NBAS: variants seen among roughly 807,000 people sequenced by gnomAD.
NBAS encodes NAG/BC035112 fusion.
A neutral mutation model predicts 302.5 loss-of-function variants in NBAS; 219 were observed. The ratio of observed to expected loss-of-function variants is 0.72; its 90% CI spans 0.65 to 0.81. The LOEUF (loss-of-function observed/expected upper bound fraction) is 0.81. Among genes scored for constraint, NBAS ranks in the 30% least tolerant of loss-of-function variants. The pLI, the probability that NBAS is intolerant of heterozygous loss-of-function variation, is 0.00. For synonymous variants in NBAS, 1,118 were observed against 1,021.6 expected (o/e 1.09, Z -1.80); for missense variants, 2,932 against 2,841.6 (o/e 1.03, Z -0.72).
intron 11 of NBAS, among the ~76,000 whole-genome samples, chr2:15,493,722 A>G (rs1680958553): frequency 6.6e-6 from 1 of 151,928 alleles, no homozygotes; most frequent in Non-Finnish European, 1.5e-5. Flanking sequence ...GATTCTTCAT[A>G]CTGTATTAAG....
chr2:15,516,033 T>A (rs2241237), intron 9 of NBAS, among the ~76,000 whole-genome samples: 96,921 of 152,010 alleles, frequency 0.64, 31,625 homozygotes, highest in Non-Finnish European at 0.68. Flanking sequence ...GGTCACACTG[T>A]TTAAAACGGA....
intron 40 of NBAS, among the ~76,000 whole-genome samples, chr2:15,303,239 AGTTAATG>A (rs1670886106): frequency 6.6e-6 from 1 of 152,210 alleles, no homozygotes; most frequent in Admixed American, 6.5e-5. Context: ...TAAGAACGAC[AGTTAATG>A]GGCAGAGATG....
At chr2:15,104,228 T>G in the NBAS span, among the ~76,000 whole-genome samples, 6 of 152,202 alleles carry the variant, frequency 3.9e-5, no homozygotes, top group Non-Finnish European at 7.3e-5. Flanking sequence ...CTCATTCACC[T>G]TCTGTCATGA....
Position 15,467,407 on chromosome 2 carries a change from C to T in NBAS, c.2019G>A (p.Lys673=). 6.2e-7 allele frequency: 1 copy of T among 1,611,838 alleles called. No individual in the cohort carries two copies. Among genetic ancestry groups the T allele is most frequent in the Non-Finnish European group, 8.5e-7 (1 of 1,178,150 alleles). ...AAAGTTCCTTTTGTTCCAGTGTCAA[C>T]CTGTTTTGAATAACTATGTTAGGCC... is the stretch of plus-strand genomic sequence containing the variant. The part of the protein sequence containing the change: ...QELLKLVNFS[K]LTLEQKELCR... The change falls in exon 19 of 52, where the codon AAG becomes AAA. Residue 673 remains lysine, a splice_region_variant and synonymous_variant. Coordinates refer to ENST00000281513, the MANE Select transcript of NBAS (RefSeq NM_015909.4).
chr2:15,536,678 G>T, intron 7 of NBAS, 127 bp from the exon 8 acceptor site: 1 of 887,584 alleles, frequency 1.1e-6, no homozygotes, highest in Non-Finnish European at 1.7e-6. Context: ...CTTCAGAATT[G>T]CTCTGTATAC....
the NBAS span, among the ~76,000 whole-genome samples, chr2:15,057,642 G>A: frequency 5.1e-4 from 78 of 152,244 alleles, 1 homozygote; most frequent in African/African-American, 1.5e-3. Flanking sequence ...CGTCCTCATA[G>A]CTGAGCTCCC....
the NBAS span, among the ~76,000 whole-genome samples, chr2:14,921,492 T>C: frequency 6.6e-6 from 1 of 151,998 alleles, no homozygotes; most frequent in Non-Finnish European, 1.5e-5. Context: ...GTTTATGGAG[T>C]CCTAGAAATT....
At chr2:15,334,390 G>A (rs1214044191) in intron 35 of NBAS, among the ~76,000 whole-genome samples, 2 of 151,846 alleles carry the variant, frequency 1.3e-5, no homozygotes, top group African/African-American at 2.4e-5. Flanking sequence ...GAGTTTCACC[G>A]TGTTAGCCAG....
chr2:15,439,882 G>A (rs567468056), intron 21 of NBAS, among the ~76,000 whole-genome samples: 16 of 152,366 alleles, frequency 1.1e-4, no homozygotes, highest in South Asian at 4.1e-4. Flanking sequence ...AGGGTCCTAC[G>A]TCCACGGAGT....
chr2:15,405,280 A>G (rs1419385532), intron 25 of NBAS, among the ~76,000 whole-genome samples: 1 of 152,130 alleles, frequency 6.6e-6, no homozygotes, highest in Non-Finnish European at 1.5e-5. Flanking sequence ...CTGTATTCCT[A>G]TGGCACATTT....
At chr2:15,143,452 C>A in the NBAS span, among the ~76,000 whole-genome samples, 1 of 152,058 alleles carries the variant, frequency 6.6e-6, no homozygotes, top group African/African-American at 2.4e-5. Flanking sequence ...AAGAGTCAGT[C>A]GAACATGAAA....
chr2:15,370,975 G>A (rs753502772), intron 31 of NBAS, among the ~76,000 whole-genome samples: 3 of 151,954 alleles, frequency 2.0e-5, no homozygotes, highest in Non-Finnish European at 2.9e-5. Flanking sequence ...AGAAGGGGCC[G>A]GGGTGAAATG....
chr2:15,444,718 A>T (rs889437639), intron 21 of NBAS, among the ~76,000 whole-genome samples: 8 of 151,078 alleles, frequency 5.3e-5, no homozygotes, highest in South Asian at 2.1e-4. Flanking sequence ...TGAACAGGCA[A>T]CCTACAAAAT....
chr2:15,477,659 A>G lies in NBAS; in HGVS notation c.1147+567T>C, dbSNP rs1019361. Among the ~76,000 whole-genome samples the G allele has an allele frequency of 8.3e-3, 1,259 of 152,352 alleles. 21 individuals are homozygous for G. Among genetic ancestry groups the G allele is most frequent in the East Asian group, 0.059 (306 of 5,190 alleles). ...TTAACTTAGAAAGTTTCACCTAAAGAAAAATAACACAGTCAAAAACTAAAA... is the reference window on the plus strand; with the variant it reads ...TTAACTTAGAAAGTTTCACCTAAAGGAAAATAACACAGTCAAAAACTAAAA... On this transcript the variant is annotated intron_variant, in intron 13 of 51. Coordinates refer to ENST00000281513, the MANE Select transcript of NBAS (RefSeq NM_015909.4).
At chr2:14,940,553 T>C in the NBAS span, among the ~76,000 whole-genome samples, 1 of 152,176 alleles carries the variant, frequency 6.6e-6, no homozygotes, top group African/African-American at 2.4e-5. Flanking sequence ...TGGTTCTGTC[T>C]TCTAAAGAGA....
chr2:15,407,290 A>G lies in NBAS; in HGVS notation c.2938-4989T>C, dbSNP rs7585130. ...CATAGACCAAGAGAAAGTGCACAGA[A>G]AATTGCAGCCAAAAGTTTAAGGGGT... is the stretch of plus-strand genomic sequence containing the variant. On this transcript the variant is annotated intron_variant, in intron 25 of 51. Coordinates refer to ENST00000281513, the MANE Select transcript of NBAS (RefSeq NM_015909.4). Among the ~76,000 whole-genome samples, 778 of 152,274 alleles carry G rather than the reference A, an allele frequency of 5.1e-3. 8 individuals are homozygous for G. The highest frequency in any genetic ancestry group is 0.018 in the African/African-American group (747 of 41,554).
intron 6 of NBAS, among the ~76,000 whole-genome samples, chr2:15,542,069 C>T (rs1161624875): frequency 2.4e-5 from 2 of 84,428 alleles, no homozygotes; most frequent in Non-Finnish European, 5.7e-5. Context: ...TCTGCCCGGC[C>T]GCCCCTACTG....
chr2:14,996,470 G>T, the NBAS span, among the ~76,000 whole-genome samples: 1 of 152,178 alleles, frequency 6.6e-6, no homozygotes, highest in African/African-American at 2.4e-5. Flanking sequence ...CAAGCTGTCC[G>T]TCAAGGTCAA....
rs775953115 is a variant in NBAS at position 15,167,235 on chromosome 2, G to A, written c.6929C>T (p.Pro2310Leu). Residue 2310 changes from proline to leucine, a missense_variant, in exon 52 of 52, where the codon CCA becomes CTA. Pro to Leu is a moderately conservative substitution (Grantham distance 98, BLOSUM62 -3). Coordinates refer to ENST00000281513, the MANE Select transcript of NBAS (RefSeq NM_015909.4). Reference sequence around the variant, plus strand: ...AGCCAAGAGGTGGTCAACAATACGTGGATAGAAGGGAGTGGAGACACACTT... The same window carrying A: ...AGCCAAGAGGTGGTCAACAATACGTAGATAGAAGGGAGTGGAGACACACTT... ...LVKCVSTPFY[P>L]RIVDHLLASL... The A allele has an allele frequency of 4.5e-5, 72 of 1,614,140 alleles. No individual in the cohort carries two copies. Among genetic ancestry groups the A allele is most frequent in the Middle Eastern group, 1.6e-4 (1 of 6,084 alleles).
Sources: gnomAD v4.1 joint callset for allele counts (sites outside exome capture counted in the v4.1 genomes callset) on GRCh38, gnomAD v4.1.1 for gene constraint, MANE v1.5 for transcripts, NCBI Gene and HGNC (gene_info 2026-07-23, HGNC 2026-07-21) for gene names.